Variants in ELAPOR2 observed in about 807,000 individuals in gnomAD.
ELAPOR2 encodes the protein endosome/lysosome-associated apoptosis and autophagy regulator family member 2.
Under a neutral mutation model 120.7 loss-of-function variants are expected in ELAPOR2, and 89 were observed. The observed-to-expected ratio is 0.74, with a 90% CI of 0.62 to 0.88. The LOEUF (loss-of-function observed/expected upper bound fraction) is 0.88, where lower values mean the gene tolerates loss of function less well. ELAPOR2 is among the 40% of genes least tolerant of loss of function. ELAPOR2 has a pLI of 0.00. For synonymous variants in ELAPOR2, 444 were observed against 444.9 expected (o/e 1.00, Z 0.03); for missense variants, 1,134 against 1,251.6 (o/e 0.91, Z 1.42).
intron 15 of ELAPOR2, among the ~76,000 whole-genome samples, chr7:86,911,016 T>C (rs898451089): frequency 2.1e-4 from 32 of 150,920 alleles, no homozygotes; most frequent in African/African-American, 7.3e-4. Flanking sequence ...AAAAGGAAAA[T>C]AGTGGAAGCT....
chr7:87,019,273 C>T (rs1002936556), intron 1 of ELAPOR2, among the ~76,000 whole-genome samples: 1 of 152,162 alleles, frequency 6.6e-6, no homozygotes, highest in African/African-American at 2.4e-5. Flanking sequence ...AAGCCATCTT[C>T]CTGCCTTGCC....
rs1794818267 is a variant in ELAPOR2, at chr7:87,042,512, T to A, written c.189+16813A>T. Among the ~76,000 whole-genome samples the A allele has an allele frequency of 2.0e-5, 3 of 151,686 alleles. No individual in the cohort carries two copies. The South Asian group carries it at 6.2e-4, about 32-fold the overall frequency. The stretch of plus-strand genomic sequence containing the variant: ...GAACAACCTGCTCCTGAATGACTAC[T>A]GGGTACATAACGAAATGAAGGCAGA... On this transcript the variant is annotated intron_variant, in intron 1 of 21. Transcript: ENST00000450689.
intron 1 of ELAPOR2, among the ~76,000 whole-genome samples, chr7:87,036,987 T>C (rs575526365): frequency 1.8e-4 from 28 of 152,276 alleles, no homozygotes; most frequent in Non-Finnish European, 3.5e-4. Flanking sequence ...GCCTATATCA[T>C]ACTCCAGATT....
intron 2 of ELAPOR2, among the ~76,000 whole-genome samples, chr7:86,952,035 C>T (rs1393052969): frequency 2.0e-5 from 3 of 152,136 alleles, no homozygotes; most frequent in East Asian, 3.8e-4. Flanking sequence ...ACTAAATAAA[C>T]CACCAAAAGG....
In ELAPOR2 at chr7:86,918,441, C is replaced by T; in HGVS notation, c.1593+1G>A. 6.2e-7 allele frequency: 1 copy of T among 1,602,750 alleles called. No individual in the cohort carries two copies. Among genetic ancestry groups the T allele is most frequent in the Non-Finnish European group, 8.5e-7 (1 of 1,170,794 alleles). On this transcript the variant is annotated splice_donor_variant, in intron 12 of 21. Coordinates refer to ENST00000450689, the MANE Select transcript of ELAPOR2 (RefSeq NM_001142749.3). LOFTEE classifies it high-confidence loss of function. ...CCTTTGAAAGCCGCCCGTCCACTTA[C>T]CACCATGAAGTACAAAACACAGTCA...
At chr7:86,882,646 G>A (rs1799467193) in intron 21 of ELAPOR2, among the ~76,000 whole-genome samples, 1 of 152,024 alleles carries the variant, frequency 6.6e-6, no homozygotes. Flanking sequence ...CTCATTCATT[G>A]TTTAATTCCT....
Position 87,059,561 on chromosome 7 carries a change from G to C in ELAPOR2, c.-48C>G. 1.7e-6 allele frequency: 2 copies of C among 1,154,088 alleles called. No homozygotes were observed. Among genetic ancestry groups the C allele is most frequent in the Non-Finnish European group, 2.1e-6 (2 of 938,784 alleles). 71.5% of individuals were successfully genotyped at this position (1,154,088 alleles called of 1,614,324 possible). On this transcript the variant is annotated 5_prime_UTR_variant, in exon 1 of 22. Coordinates refer to ENST00000450689, the MANE Select transcript of ELAPOR2 (RefSeq NM_001142749.3). ...GGCCGGCGGCAAGGCAGCCTTCCCGGGGTGCGGCGGCAGCTCCGGCTCCCG... is the reference window on the plus strand; with the variant it reads ...GGCCGGCGGCAAGGCAGCCTTCCCGCGGTGCGGCGGCAGCTCCGGCTCCCG...
At chr7:87,005,614 T>C (rs570306109) in intron 1 of ELAPOR2, among the ~76,000 whole-genome samples, 3 of 152,302 alleles carry the variant, frequency 2.0e-5, no homozygotes, top group African/African-American at 7.2e-5. Context: ...TTCAGAGAAC[T>C]CTCACTGATG....
At chr7:87,020,306 T>C (rs1056315844) in intron 1 of ELAPOR2, among the ~76,000 whole-genome samples, 1 of 152,126 alleles carries the variant, frequency 6.6e-6, no homozygotes, top group African/African-American at 2.4e-5. Flanking sequence ...GAAGAAACTA[T>C]TATTAATAAA....
chr7:86,953,488 A>G (rs1021042832), intron 2 of ELAPOR2, among the ~76,000 whole-genome samples: 3 of 152,100 alleles, frequency 2.0e-5, no homozygotes, highest in Non-Finnish European at 2.9e-5. Flanking sequence ...TCCACTCTCT[A>G]TGTCAACACT....
chr7:87,002,075 A>G (rs1244244634), intron 1 of ELAPOR2, among the ~76,000 whole-genome samples: 1 of 152,150 alleles, frequency 6.6e-6, no homozygotes, highest in African/African-American at 2.4e-5. Context: ...ATTAAGTATT[A>G]CCAATGGTAT....
chr7:87,041,775 C>T (rs1262586474), intron 1 of ELAPOR2, among the ~76,000 whole-genome samples: 7 of 151,654 alleles, frequency 4.6e-5, no homozygotes, highest in South Asian at 4.2e-4. Flanking sequence ...TAACTTTAAA[C>T]GTAAATGGAC....
At chr7:86,966,860 C>T (rs1428384404) in intron 1 of ELAPOR2, among the ~76,000 whole-genome samples, 1 of 152,148 alleles carries the variant, frequency 6.6e-6, no homozygotes, top group Non-Finnish European at 1.5e-5. Context: ...CCTGTGGCTT[C>T]ATCACTCCAG....
intron 1 of ELAPOR2, among the ~76,000 whole-genome samples, chr7:86,994,271 T>C (rs1021855274): frequency 2.1e-4 from 32 of 152,216 alleles, no homozygotes; most frequent in African/African-American, 7.5e-4. Context: ...GTTTCCTTTC[T>C]TCCAAACACA....
At chr7:86,977,259 T>G (rs962928756) in intron 1 of ELAPOR2, among the ~76,000 whole-genome samples, 1 of 152,226 alleles carries the variant, frequency 6.6e-6, no homozygotes, top group Non-Finnish European at 1.5e-5. Flanking sequence ...GTCATAGAGC[T>G]GATTTATAGG....
At chr7:86,948,707 C>A (rs1238784596) in intron 2 of ELAPOR2, among the ~76,000 whole-genome samples, 2 of 151,706 alleles carry the variant, frequency 1.3e-5, no homozygotes, top group African/African-American at 4.8e-5. Context: ...CTAGATACGA[C>A]AATGTGAAGA....
At chr7:86,881,027 AG>A (rs1186482361) in intron 21 of ELAPOR2, among the ~76,000 whole-genome samples, 1 of 152,206 alleles carries the variant, frequency 6.6e-6, no homozygotes, top group Non-Finnish European at 1.5e-5. Flanking sequence ...AAAATCTTTT[AG>A]GTATATGCCT....
At position 86,938,118 on chromosome 7, in the gene ELAPOR2, G is replaced by T. The variant is rs111915743; in HGVS notation, c.1089+8C>A. On this transcript the variant is annotated splice_region_variant and intron_variant, in intron 8 of 21. Coordinates refer to ENST00000450689, the MANE Select transcript of ELAPOR2 (RefSeq NM_001142749.3). ...TATGGGATGGAGTTGATGCAACACT[G>T]CTGGTACCTTTCCTTCTTCATCACA... is the stretch of plus-strand genomic sequence containing the variant. 16 of 1,546,340 alleles carry T rather than the reference G, an allele frequency of 1.0e-5. No homozygotes were observed. In the African/African-American group the frequency reaches 2.2e-4, roughly 21 times the overall value.
chr7:87,042,883 AAGAG>A (rs1194788862), intron 1 of ELAPOR2, among the ~76,000 whole-genome samples: 5 of 152,190 alleles, frequency 3.3e-5, no homozygotes, highest in Non-Finnish European at 7.3e-5. Flanking sequence ...TAAAGACAAA[AAGAG>A]AGAGGAATCA....
Sources: allele counts gnomAD v4.1 joint callset (sites outside exome capture counted in the v4.1 genomes callset), GRCh38; gene constraint gnomAD v4.1.1; transcripts MANE v1.5; gene names NCBI Gene and HGNC (gene_info 2026-07-23, HGNC 2026-07-21).